The following RYR2 variants were observed in gnomAD, a reference collection of about 807,000 sequenced individuals.
RYR2 encodes the protein cardiac muscle ryanodine receptor-calcium release channel.
In RYR2, 227 loss-of-function variants were observed where a neutral mutation model predicts 601.1. The ratio of observed to expected loss-of-function variants is 0.38; its 90% CI spans 0.34 to 0.42. The LOEUF is 0.42. Ranked by LOEUF, RYR2 falls within the 10% of genes least tolerant of loss-of-function variation. The probability of loss-of-function intolerance (pLI) is 1.00; values close to 1 mark genes in which losing one functional copy is unlikely to be tolerated. For missense variants in RYR2, 4,646 were observed against 6,156.5 expected, an observed-to-expected ratio of 0.75 and a Z score of 8.21; for synonymous variants, 2,223 against 2,175.1, an observed-to-expected ratio of 1.02 and a Z score of -0.61.
At chr1:237,599,633 C>A (rs1164971186) in intron 34 of RYR2, among the ~76,000 whole-genome samples, 1 of 151,856 alleles carries the variant, frequency 6.6e-6, no homozygotes, top group Non-Finnish European at 1.5e-5. Flanking sequence ...CCAGCCTGGC[C>A]AAAATGGTGA....
chr1:237,503,889 G>A (rs1309721451), intron 22 of RYR2, among the ~76,000 whole-genome samples: 1 of 152,106 alleles, frequency 6.6e-6, no homozygotes, highest in Non-Finnish European at 1.5e-5. Flanking sequence ...TGTATTTTTA[G>A]TAGAGATGGG....
chr1:237,380,288 T>C (rs1350740530), intron 8 of RYR2, among the ~76,000 whole-genome samples: 3 of 144,766 alleles, frequency 2.1e-5, no homozygotes, highest in Non-Finnish European at 4.5e-5. Flanking sequence ...AAATAATCTA[T>C]AGAATAAACC....
At chr1:237,646,598 C>T (rs1424131650) in intron 48 of RYR2, among the ~76,000 whole-genome samples, 1 of 152,062 alleles carries the variant, frequency 6.6e-6, no homozygotes, top group African/African-American at 2.4e-5. Context: ...TGATATTTTC[C>T]CTTCTCAGGA....
intron 1 of RYR2, among the ~76,000 whole-genome samples, chr1:237,109,555 A>T (rs548312075): frequency 6.6e-6 from 1 of 152,296 alleles, no homozygotes; most frequent in Admixed American, 6.5e-5. Context: ...GGCCTCGGTG[A>T]TGGGCCTGGG....
chr1:237,643,950 G>C (rs1681855340), intron 48 of RYR2, among the ~76,000 whole-genome samples: 1 of 152,118 alleles, frequency 6.6e-6, no homozygotes, highest in Non-Finnish European at 1.5e-5. Flanking sequence ...TGTTTTTAAA[G>C]CTGTGTTTGC....
Position 237,496,557 on chromosome 1 carries a change from T to C in RYR2, c.2008T>C (p.Tyr670His). 6.2e-7 allele frequency: 1 copy of C among 1,614,016 alleles called. No homozygotes were observed. Among genetic ancestry groups the C allele is most frequent in the Non-Finnish European group, 8.5e-7 (1 of 1,179,900 alleles). ...GGGCGTCAGTGAAGGTTCTGCTCAG[T>C]ATAAGAAATGGTACTATGAATTGAT... ...FLGVSEGSAQ[Y>H]KKWYYELMVD... The change falls in exon 20 of 105, where the codon TAT becomes CAT. Residue 670 changes from tyrosine to histidine, a missense_variant. Tyr to His is a moderately conservative substitution (Grantham distance 83, BLOSUM62 2). Coordinates refer to ENST00000366574, the MANE Select transcript of RYR2 (RefSeq NM_001035.3).
At chr1:237,148,016 G>A (rs546606944) in intron 1 of RYR2, among the ~76,000 whole-genome samples, 3 of 152,224 alleles carry the variant, frequency 2.0e-5, no homozygotes, top group East Asian at 1.9e-4. Context: ...TCATGTGGTC[G>A]AATCATCTGG....
At position 237,397,111 on chromosome 1, in the gene RYR2, C is replaced by T. The variant is rs187676555; in HGVS notation, c.773+8928C>T. ...AAAACCCTGTCTCCATTAAAAAATA[C>T]ACAAATTAGCCAGCTGCTTGGGTGG... On this transcript the variant is annotated intron_variant, in intron 10 of 104. Transcript: ENST00000366574. Among the ~76,000 whole-genome samples, 1,114 of 151,836 alleles carry T rather than the reference C, an allele frequency of 7.3e-3. 6 individuals are homozygous for T. Among genetic ancestry groups the T allele is most frequent in the Non-Finnish European group, 0.011 (724 of 67,914 alleles).
chr1:237,280,083 T>C (rs1284216956), intron 2 of RYR2, among the ~76,000 whole-genome samples: 2 of 152,216 alleles, frequency 1.3e-5, no homozygotes, highest in Non-Finnish European at 2.9e-5. Flanking sequence ...TGGAACATGA[T>C]AGAGCAATAC....
At chr1:237,280,720 T>G (rs1690763687) in intron 2 of RYR2, among the ~76,000 whole-genome samples, 1 of 151,976 alleles carries the variant, frequency 6.6e-6, no homozygotes, top group African/African-American at 2.4e-5. Flanking sequence ...GAATTGGACC[T>G]GAATGGAACT....
chr1:237,794,082 A>G (rs1658794515), intron 95 of RYR2, 85 bp downstream of exon 95: 1 of 1,201,776 alleles, frequency 8.3e-7, no homozygotes, highest in African/African-American at 1.5e-5. Flanking sequence ...AGATTTGTCA[A>G]AAGTTTAGCA....
In RYR2 at chr1:237,727,339, T is replaced by C. The variant is rs1573696221; in HGVS notation, c.10838+140T>C. 6 of 426,260 alleles carry C rather than the reference T, an allele frequency of 1.4e-5. No individual in the cohort carries two copies. The East Asian group carries it at 2.1e-4, about 15-fold the overall frequency. The allele number at this position is 426,260 out of a possible 1,614,324, so 26.4% of individuals were successfully genotyped here. On this transcript the variant is annotated intron_variant, in intron 76 of 104. Coordinates refer to ENST00000366574, the MANE Select transcript of RYR2 (RefSeq NM_001035.3). ...CTTTATTGATTCTTCTACATAAAAC[T>C]TGACTAATTTTGTTGGATATTTTCG...
intron 40 of RYR2, 140 bp downstream of exon 40, chr1:237,625,944 TG>T: frequency 1.2e-6 from 1 of 852,184 alleles, no homozygotes; most frequent in South Asian, 1.8e-5. Context: ...AGTAGATGCC[TG>T]TAGCTCCCAG....
chr1:237,782,916 C>T (rs1300375586), intron 89 of RYR2, among the ~76,000 whole-genome samples: 2 of 152,162 alleles, frequency 1.3e-5, no homozygotes, highest in Admixed American at 1.3e-4. Context: ...CTTAACACCA[C>T]GGTGCTTACT....
intron 63 of RYR2, among the ~76,000 whole-genome samples, chr1:237,687,894 TA>T (rs1476672874): frequency 3.9e-5 from 6 of 152,172 alleles, no homozygotes; most frequent in Non-Finnish European, 4.4e-5. Flanking sequence ...AAACTGCACT[TA>T]TTTTTTTTAA....
intron 44 of RYR2, among the ~76,000 whole-genome samples, chr1:237,635,345 T>C (rs1680767245): frequency 6.6e-6 from 1 of 152,220 alleles, no homozygotes; most frequent in African/African-American, 2.4e-5. Flanking sequence ...TCTGTATCTG[T>C]ATTCTTATGT....
At chr1:237,538,394 CAAA>C (rs10551995) in intron 25 of RYR2, among the ~76,000 whole-genome samples, 554 of 32,646 alleles carry the variant, frequency 0.017, 44 homozygotes, top group African/African-American at 0.061. Context: ...GACTCTGTCT[CAAA>C]AAAAAAAAAA....
At chr1:237,770,172 G>A (rs1176649578) in intron 84 of RYR2, among the ~76,000 whole-genome samples, 1 of 152,042 alleles carries the variant, frequency 6.6e-6, no homozygotes, top group African/African-American at 2.4e-5. Flanking sequence ...AAGGTTGTTT[G>A]CCATTTCCTC....
chr1:237,615,714 C>T (rs1377374285), intron 37 of RYR2, among the ~76,000 whole-genome samples: 1 of 152,164 alleles, frequency 6.6e-6, no homozygotes, highest in African/African-American at 2.4e-5. Context: ...CTTTCAGAAT[C>T]TCACAGCCTC....
Sources: gnomAD v4.1 joint callset for allele counts (sites outside exome capture counted in the v4.1 genomes callset) on GRCh38, gnomAD v4.1.1 for gene constraint, MANE v1.5 for transcripts, NCBI Gene and HGNC (gene_info 2026-07-23, HGNC 2026-07-21) for gene names.